The following RANBP2 variants were observed in gnomAD, a reference collection of about 807,000 sequenced individuals.
RANBP2 encodes E3 SUMO-protein ligase RanBP2.
In RANBP2, 57 loss-of-function variants were observed where a neutral mutation model predicts 303.6. The ratio of observed to expected loss-of-function variants is 0.19; its 90% confidence interval spans 0.15 to 0.23. The LOEUF is 0.23. RANBP2 is among the 10% of genes least tolerant of loss of function. The probability of loss-of-function intolerance (pLI) is 1.00; values close to 1 mark genes in which losing one functional copy is unlikely to be tolerated. For synonymous variants in RANBP2, 1,167 were observed against 1,301.5 expected (o/e 0.90, Z 2.23); for missense variants, 3,138 against 3,780.8 (o/e 0.83, Z 4.46).
chr2:109,520,628 A>G, the RANBP2 span, among the ~76,000 whole-genome samples: 1 of 96,676 alleles, frequency 1.0e-5, no homozygotes, highest in African/African-American at 3.0e-5. Flanking sequence ...AAAAAAAGAA[A>G]AAAAAGAATT....
At chr2:109,162,587 T>C in the RANBP2 span, among the ~76,000 whole-genome samples, 5 of 152,224 alleles carry the variant, frequency 3.3e-5, no homozygotes, top group African/African-American at 9.6e-5. Flanking sequence ...TAGTATTCCA[T>C]GGTGTATATG....
At chr2:109,343,271 C>T in the RANBP2 span, among the ~76,000 whole-genome samples, 5 of 152,294 alleles carry the variant, frequency 3.3e-5, no homozygotes, top group South Asian at 2.1e-4. Flanking sequence ...CTGGAGGTGC[C>T]GGGTGTCACC....
chr2:109,428,757 C>T, the RANBP2 span, among the ~76,000 whole-genome samples: 2 of 152,158 alleles, frequency 1.3e-5, no homozygotes, highest in South Asian at 2.1e-4. Flanking sequence ...GCAGGGTGGC[C>T]TTGGCTGGTC....
the RANBP2 span, among the ~76,000 whole-genome samples, chr2:108,975,369 G>C: frequency 1.3e-5 from 2 of 152,212 alleles, no homozygotes; most frequent in African/African-American, 4.8e-5. Context: ...GAGCTTGTGG[G>C]TGCAGCTCAG....
At chr2:109,446,942 C>T in the RANBP2 span, among the ~76,000 whole-genome samples, 2 of 151,646 alleles carry the variant, frequency 1.3e-5, no homozygotes, top group African/African-American at 2.4e-5. Context: ...GACCCTGGAC[C>T]GAGAGAAGGG....
At chr2:109,585,409 C>A in the RANBP2 span, 2 of 1,132,210 alleles carry the variant, frequency 1.8e-6, no homozygotes, top group Non-Finnish European at 2.5e-6. Flanking sequence ...TTCAAAGATC[C>A]CAAATATTTC....
At chr2:109,487,089 C>T in the RANBP2 span, among the ~76,000 whole-genome samples, 3 of 152,160 alleles carry the variant, frequency 2.0e-5, no homozygotes, top group African/African-American at 4.8e-5. Flanking sequence ...GTCAGGAAAA[C>T]GTAACAGGGA....
At chr2:109,055,528 T>C in the RANBP2 span, among the ~76,000 whole-genome samples, 1 of 149,318 alleles carries the variant, frequency 6.7e-6, no homozygotes, top group African/African-American at 2.5e-5. Context: ...GTCCGGCTAA[T>C]TTTCTTTTCT....
At chr2:109,059,259 G>A in the RANBP2 span, among the ~76,000 whole-genome samples, 6 of 152,186 alleles carry the variant, frequency 3.9e-5, no homozygotes, top group East Asian at 5.8e-4. Flanking sequence ...CTAGTTATCC[G>A]CCTAAACTAT....
At chr2:109,674,410 C>CAA in the RANBP2 span, among the ~76,000 whole-genome samples, 39,191 of 74,834 alleles carry the variant, frequency 0.52, 9,910 homozygotes, top group Middle Eastern at 0.71. Flanking sequence ...CTTGTGTCTC[C>CAA]AAAAAAAAAA....
the RANBP2 span, among the ~76,000 whole-genome samples, chr2:109,109,911 T>C: frequency 1.3e-5 from 2 of 152,074 alleles, no homozygotes; most frequent in African/African-American, 4.8e-5. Flanking sequence ...ATATGGGAAA[T>C]TGAGCACGCA....
chr2:108,967,166 C>T, the RANBP2 span, among the ~76,000 whole-genome samples: 1 of 152,158 alleles, frequency 6.6e-6, no homozygotes, highest in African/African-American at 2.4e-5. Flanking sequence ...AACTCCTGCC[C>T]TCAACTGATC....
the RANBP2 span, among the ~76,000 whole-genome samples, chr2:109,336,600 G>C: frequency 3.9e-5 from 6 of 152,216 alleles, no homozygotes; most frequent in African/African-American, 1.4e-4. Context: ...TTTCCACCAC[G>C]TTGAGGCAAA....
At chr2:108,808,640 T>A in the RANBP2 span, among the ~76,000 whole-genome samples, 3 of 152,242 alleles carry the variant, frequency 2.0e-5, no homozygotes, top group Admixed American at 1.3e-4. Context: ...ATATACCTGT[T>A]GGCTGTTTGT....
At chr2:109,685,287 C>T in the RANBP2 span, among the ~76,000 whole-genome samples, 26 of 152,334 alleles carry the variant, frequency 1.7e-4, no homozygotes, top group African/African-American at 5.3e-4. Context: ...TGAATACGCT[C>T]ATGAGTACAT....
the RANBP2 span, among the ~76,000 whole-genome samples, chr2:109,654,539 C>T: frequency 1.3e-5 from 2 of 152,076 alleles, no homozygotes; most frequent in Non-Finnish European, 2.9e-5. Flanking sequence ...ATTACTACCA[C>T]ACCCATCTAG....
At chr2:108,860,797 C>G in the RANBP2 span, among the ~76,000 whole-genome samples, 4 of 151,888 alleles carry the variant, frequency 2.6e-5, no homozygotes, top group African/African-American at 9.7e-5. Flanking sequence ...ATTTTGGCAT[C>G]AGTATGATAC....
chr2:109,465,990 G>C, the RANBP2 span, among the ~76,000 whole-genome samples: 1 of 150,782 alleles, frequency 6.6e-6, no homozygotes, highest in Non-Finnish European at 1.5e-5. Flanking sequence ...TTCAGCATGA[G>C]CTATGGTGGG....
chr2:109,365,699 A>G, the RANBP2 span, among the ~76,000 whole-genome samples: 15 of 152,134 alleles, frequency 9.9e-5, no homozygotes, highest in Admixed American at 8.5e-4. Context: ...GTTTTATTTC[A>G]TTGATCTTCT....
Sources: gnomAD v4.1 joint callset for allele counts (sites outside exome capture counted in the v4.1 genomes callset) on GRCh38, gnomAD v4.1.1 for gene constraint, MANE v1.5 for transcripts, NCBI Gene and HGNC (gene_info 2026-07-23, HGNC 2026-07-21) for gene names.